Variants in GATA3 observed in about 807,000 individuals in gnomAD.
GATA3 encodes the protein GATA binding protein 3.
A neutral mutation model predicts 36.0 loss-of-function variants in GATA3; 6 were observed. The ratio of observed to expected loss-of-function variants is 0.17; its 90% confidence interval spans 0.09 to 0.33. GATA3 has a LOEUF of 0.33. Ranked by LOEUF, GATA3 falls within the 10% of genes least tolerant of loss-of-function variation. The probability of loss-of-function intolerance (pLI) is 1.00; values close to 1 mark genes in which losing one functional copy is unlikely to be tolerated. For missense variants in GATA3, 514 were observed against 610.1 expected (o/e 0.84, Z 1.66); for synonymous variants, 326 against 273.0 (o/e 1.19, Z -1.92).
At chr10:8,065,344 AC>A (rs1217049894) in intron 4 of GATA3, among the ~76,000 whole-genome samples, 2 of 128,260 alleles carry the variant, frequency 1.6e-5, no homozygotes, top group Non-Finnish European at 3.1e-5. Flanking sequence ...TGCAACCTCC[AC>A]CTCCCGGGTT....
chr10:8,053,338 T>A (rs982396677), upstream of GATA3: 6 of 152,318 alleles, frequency 3.9e-5, no homozygotes, highest in South Asian at 6.2e-4. This position sits in a 1 kb window ranked among gnomAD's most constrained non-coding sequence, Gnocchi z 5.1. Flanking sequence ...GGGAACCCAC[T>A]CCCTCTCCTG....
chr10:8,073,360 G>A (rs536498614), intron 5 of GATA3, among the ~76,000 whole-genome samples: 1 of 152,072 alleles, frequency 6.6e-6, no homozygotes, highest in Non-Finnish European at 1.5e-5. Flanking sequence ...ATGGCCTGGG[G>A]AGTACTTTTC....
At chr10:8,068,738 G>A (rs1374810886) in intron 4 of GATA3, among the ~76,000 whole-genome samples, 1 of 152,202 alleles carries the variant, frequency 6.6e-6, no homozygotes, top group African/African-American at 2.4e-5. Context: ...GGGTGACAGA[G>A]CGAGACTCCA....
chr10:8,057,027 T>G (rs1171374741), intron 2 of GATA3, among the ~76,000 whole-genome samples: 1 of 152,132 alleles, frequency 6.6e-6, no homozygotes, highest in Non-Finnish European at 1.5e-5. Flanking sequence ...TGTCGCCAGG[T>G]TTTAAACAAT....
intron 5 of GATA3, 58 bp downstream of exon 5, chr10:8,069,656 A>T (rs2131512722): frequency 6.3e-7 from 1 of 1,596,108 alleles, no homozygotes; most frequent in Admixed American, 1.7e-5. Context: ...ACCAGCAAAC[A>T]GCGTCACCAC....
chr10:8,058,882 C>T, intron 3 of GATA3, 41 bp downstream of exon 3: 1 of 1,582,520 alleles, frequency 6.3e-7, no homozygotes. Context: ...CTCCTCCCTC[C>T]TCCCCTTTTC....
chr10:8,063,961 C>T (rs1832791111), intron 3 of GATA3, 32 bp from the exon 4 acceptor site: 4 of 1,614,190 alleles, frequency 2.5e-6, no homozygotes, highest in African/African-American at 1.3e-5. Flanking sequence ...GTTTTCCTTC[C>T]CTAAGTGGCT....
rs2131520558 is a variant in GATA3, at chr10:8,073,801, C to G, written c.1113C>G (p.Ser371Arg). The change falls in exon 6 of 6, where the codon AGC (serine) becomes AGG (arginine). Residue 371 changes from serine to arginine, a missense_variant. Around this residue, in one of 3 missense-constraint regions of GATA3, gnomAD observed 89 missense variants for 104.2 expected, o/e 0.85. Coordinates refer to ENST00000379328, the MANE Select transcript of GATA3 (RefSeq NM_001002295.2). The stretch of plus-strand genomic sequence containing the variant: ...AGACCAGAAACCGAAAAATGTCTAG[C>G]AAATCCAAAAAGTGCAAAAAAGTGC... ...GIQTRNRKMS[S>R]KSKKCKKVHD... 1 of 1,613,980 alleles carries G rather than the reference C, an allele frequency of 6.2e-7. No homozygotes were observed. Among genetic ancestry groups the G allele is most frequent in the Non-Finnish European group, 8.5e-7 (1 of 1,180,002 alleles).
At chr10:8,051,736 A>C, upstream of GATA3, 2 of 149,116 alleles carry the variant, frequency 1.3e-5, no homozygotes, top group Non-Finnish European at 3.0e-5. Flanking sequence ...TTTCCCCCTT[A>C]CCCCCGGCCA....
chr10:8,062,379 A>T (rs1420864821), intron 3 of GATA3, among the ~76,000 whole-genome samples: 10 of 146,200 alleles, frequency 6.8e-5, no homozygotes, highest in Admixed American at 3.4e-4. Context: ...TTTTTTTTTA[A>T]AAAACAAAGT....
intron 2 of GATA3, among the ~76,000 whole-genome samples, chr10:8,057,515 A>G (rs1305885097): frequency 1.3e-5 from 2 of 152,144 alleles, no homozygotes; most frequent in Admixed American, 6.5e-5. Flanking sequence ...TTGAGGGTGC[A>G]TGGGGCTTAC....
intron 4 of GATA3, among the ~76,000 whole-genome samples, chr10:8,064,775 G>A (rs1489067267): frequency 2.0e-5 from 3 of 152,342 alleles, no homozygotes; most frequent in South Asian, 2.1e-4. Context: ...TATGGGAAAC[G>A]TCGTGTGAGT....
At chr10:8,057,365 G>T (rs548216330) in intron 2 of GATA3, among the ~76,000 whole-genome samples, 1 of 152,298 alleles carries the variant, frequency 6.6e-6, no homozygotes, top group South Asian at 2.1e-4. Flanking sequence ...GCTACCTTAA[G>T]ATTGTGCGTT....
In GATA3 at chr10:8,058,589, G is replaced by A. The variant is rs201730759; in HGVS notation, c.526G>A (p.Ala176Thr). The change falls in exon 3 of 6, where the codon GCC (alanine) becomes ACC (threonine). Residue 176 changes from alanine (A) to threonine (T), a missense_variant. Coordinates refer to ENST00000379328, the MANE Select transcript of GATA3 (RefSeq NM_001002295.2). Reference protein sequence around the residue: ...SLSTPGSAGSARQDEKECLKY... With the variant: ...SLSTPGSAGSTRQDEKECLKY... ...GTCCACCCCAGGCTCGGCCGGCTCG[G>A]CCCGGCAGGACGAGAAAGAGTGCCT... The A allele has an allele frequency of 6.2e-7, 1 of 1,611,976 alleles. No homozygotes were observed. The highest frequency in any genetic ancestry group is 8.5e-7 in the Non-Finnish European group (1 of 1,179,928).
chr10:8,054,404 G>A (rs1436841639), upstream of GATA3, among the ~76,000 whole-genome samples: 1 of 152,206 alleles, frequency 6.6e-6, no homozygotes, highest in Non-Finnish European at 1.5e-5. This position sits in a 1 kb window ranked among gnomAD's most constrained non-coding sequence, Gnocchi z 4.2. Context: ...AAGGGCCAGA[G>A]CGCGCGTTCC....
At chr10:8,049,801 C>T (rs891269952), upstream of GATA3, among the ~76,000 whole-genome samples, 1 of 152,180 alleles carries the variant, frequency 6.6e-6, no homozygotes, top group Non-Finnish European at 1.5e-5. Context: ...GGGATCTCTC[C>T]TTTGCCCCTC....
chr10:8,071,566 C>T (rs1832931941), intron 5 of GATA3, among the ~76,000 whole-genome samples: 1 of 152,218 alleles, frequency 6.6e-6, no homozygotes, highest in South Asian at 2.1e-4. Flanking sequence ...TGGCTCACTT[C>T]TACCTCCTCA....
chr10:8,049,870 G>T (rs1378106735), upstream of GATA3, among the ~76,000 whole-genome samples: 1 of 152,166 alleles, frequency 6.6e-6, no homozygotes, highest in Non-Finnish European at 1.5e-5. Flanking sequence ...GGGGACCCGG[G>T]GCTAAGGAGG....
At chr10:8,049,996 G>A (rs1832443332), upstream of GATA3, among the ~76,000 whole-genome samples, 1 of 152,152 alleles carries the variant, frequency 6.6e-6, no homozygotes, top group Non-Finnish European at 1.5e-5. Flanking sequence ...CGGTCCCGCG[G>A]GCGCCCGGCG....
Sources: gnomAD v4.1 joint callset for allele counts (sites outside exome capture counted in the v4.1 genomes callset) on GRCh38, gnomAD v4.1.1 for gene constraint, gnomAD v4.1.1 regional missense constraint, Gnocchi (gnomAD v3.1) non-coding constraint, MANE v1.5 for transcripts, NCBI Gene and HGNC (gene_info 2026-07-23, HGNC 2026-07-21) for gene names.